Variants in UNK observed in about 807,000 individuals in gnomAD.
UNK encodes unk zinc finger, also known as RING finger protein unkempt homolog.
UNK carries 32 observed loss-of-function variants against 97.6 expected under a neutral mutation model. The ratio of observed to expected loss-of-function variants is 0.33; its 90% CI spans 0.25 to 0.44. The LOEUF is 0.44. Ranked by LOEUF, UNK falls within the 20% of genes least tolerant of loss-of-function variation. The pLI is 1.00. For synonymous variants in UNK, 441 were observed against 461.2 expected (o/e 0.96, Z 0.56); for missense variants, 771 against 1,098.4 (o/e 0.70, Z 4.21).
intron 1 of UNK, among the ~76,000 whole-genome samples, chr17:75,800,639 A>C (rs937303533): frequency 6.6e-6 from 1 of 151,320 alleles, no homozygotes; most frequent in Non-Finnish European, 1.5e-5. Flanking sequence ...CGGGAGGCTG[A>C]GGCAGGAGAA....
intron 1 of UNK, among the ~76,000 whole-genome samples, chr17:75,806,830 C>T (rs541671989): frequency 4.5e-4 from 69 of 152,098 alleles, no homozygotes; most frequent in Non-Finnish European, 8.1e-4. Context: ...GGGTTGAGCA[C>T]CATGCAGTGT....
At position 75,813,252 on chromosome 17, in the gene UNK, G is replaced by A. The variant is rs761506172; in HGVS notation, c.758+39G>A. On this transcript the variant is annotated intron_variant, in intron 5 of 15. Coordinates refer to ENST00000589666, the MANE Select transcript of UNK (RefSeq NM_001080419.3). ...AGGAGGCCAGCCACGGGAGGGAGGA[G>A]TGGCAGGGAAGGGGTCAGGCAGAGG... The A allele has an allele frequency of 4.5e-6, 7 of 1,547,396 alleles. No homozygotes were observed. The East Asian group carries it at 1.7e-4, about 37-fold the overall frequency.
chr17:75,825,776 T>C lies in UNK; in HGVS notation c.*1359T>C, dbSNP rs887988177. The C allele has an allele frequency of 6.6e-6, 1 of 152,154 alleles. No individual in the cohort carries two copies. The allele number at this position is 152,154 out of a possible 1,614,324, so 9.4% of individuals were successfully genotyped here. ...AAAAATCAACAAAGCTCCAAACCTA[T>C]TGGAAATAAAATATGAACTTGCAGT... On this transcript the variant is annotated 3_prime_UTR_variant, in exon 16 of 16. Transcript: ENST00000589666. This position sits in a 1 kb window ranked among gnomAD's most constrained non-coding sequence, Gnocchi z 4.4.
rs1192059972 is a variant in UNK at position 75,784,840 on chromosome 17, A to C, written c.-41A>C. On this transcript the variant is annotated 5_prime_UTR_variant, in exon 1 of 16. Coordinates refer to ENST00000589666, the MANE Select transcript of UNK (RefSeq NM_001080419.3). ...CCTCGGCGCGGACCGCGCAGACTGA[A>C]TAATAAAAGGGGAGCGGCGAAGAGG... 6.3e-7 allele frequency: 1 copy of C among 1,595,594 alleles called. No individual in the cohort carries two copies. The highest frequency in any genetic ancestry group is 8.6e-7 in the Non-Finnish European group (1 of 1,165,650).
intron 1 of UNK, among the ~76,000 whole-genome samples, chr17:75,798,575 G>C (rs1409036973): frequency 1.3e-5 from 2 of 151,124 alleles, no homozygotes; most frequent in African/African-American, 4.9e-5. Flanking sequence ...CGAACTCCTG[G>C]CCTCAGGTGA....
At chr17:75,822,985 C>T (rs1042716186) in intron 14 of UNK, among the ~76,000 whole-genome samples, 1 of 152,226 alleles carries the variant, frequency 6.6e-6, no homozygotes, top group Non-Finnish European at 1.5e-5. Context: ...TGTCCAGCTG[C>T]AGCCGGCTAC....
At position 75,819,203 on chromosome 17, in the gene UNK, C is replaced by T. The variant is rs746040724; in HGVS notation, c.1546+387C>T. 6 of 231,034 alleles carry T rather than the reference C, an allele frequency of 2.6e-5. No homozygotes were observed. Among genetic ancestry groups the T allele is most frequent in the South Asian group, 8.7e-5 (1 of 11,488 alleles). 14.3% of individuals were successfully genotyped at this position (231,034 alleles called of 1,614,324 possible). ...CTTTCAGTACTCATTTCTAGGTGCC[C>T]GCTTTGTGCCAGGTCCTGTGGCAGG... On this transcript the variant is annotated intron_variant, in intron 11 of 15. Transcript: ENST00000589666. The surrounding 1 kb of genome is among the most constrained non-coding windows in gnomAD (Gnocchi z 5.4).
intron 2 of UNK, among the ~76,000 whole-genome samples, chr17:75,810,465 TGACA>T (rs2061958565): frequency 6.7e-6 from 1 of 149,538 alleles, no homozygotes; most frequent in Non-Finnish European, 1.5e-5. Context: ...GTCACACTAA[TGACA>T]GACATAGGGA....
At position 75,784,849 on chromosome 17, in the gene UNK, G is replaced by T; in HGVS notation, c.-32G>T. 1 of 1,599,902 alleles carries T rather than the reference G, an allele frequency of 6.3e-7. No homozygotes were observed. ...GGACCGCGCAGACTGAATAATAAAA[G>T]GGGAGCGGCGAAGAGGCAGGAAGAC... On this transcript the variant is annotated 5_prime_UTR_variant, in exon 1 of 16. The change creates a new upstream start codon in the 5' untranslated region. Transcript: ENST00000589666.
intron 15 of UNK, among the ~76,000 whole-genome samples, chr17:75,823,957 G>A (rs992967735): frequency 2.6e-5 from 4 of 152,200 alleles, no homozygotes; most frequent in East Asian, 3.9e-4. Flanking sequence ...CCAAGCCCCC[G>A]GGTGTGGCCC....
At chr17:75,810,091 C>A in intron 2 of UNK, 122 bp downstream of exon 2, 2 of 1,237,838 alleles carry the variant, frequency 1.6e-6, no homozygotes, top group Non-Finnish European at 2.2e-6. Flanking sequence ...CAGCCCATGG[C>A]CCGAGCCTGG....
At chr17:75,785,053 C>T in intron 1 of UNK, 69 bp downstream of exon 1, 2 of 1,183,516 alleles carry the variant, frequency 1.7e-6, no homozygotes, top group Admixed American at 6.9e-5. Flanking sequence ...GAGTCACGCG[C>T]GCAGGGAGAG....
intron 1 of UNK, among the ~76,000 whole-genome samples, chr17:75,807,369 G>A (rs2061928130): frequency 6.6e-6 from 1 of 152,212 alleles, no homozygotes; most frequent in African/African-American, 2.4e-5. Flanking sequence ...CTGCACTCCA[G>A]CCTGGGCAAC....
In UNK at chr17:75,819,615, G is replaced by A; in HGVS notation, c.1547-69G>A. 7.0e-7 allele frequency: 1 copy of A among 1,422,800 alleles called. No individual in the cohort carries two copies. Among genetic ancestry groups the A allele is most frequent in the Non-Finnish European group, 9.9e-7 (1 of 1,007,570 alleles). 88.1% of individuals were successfully genotyped at this position (1,422,800 alleles called of 1,614,324 possible). On this transcript the variant is annotated intron_variant, in intron 11 of 15. Transcript: ENST00000589666. This position sits in a 1 kb window ranked among gnomAD's most constrained non-coding sequence, Gnocchi z 5.4. The stretch of plus-strand genomic sequence containing the variant: ...GCATGGGCGTGAAGATGCAGCGTGG[G>A]CAGTAGACGAGGTGGTCAGGGTCAG...
chr17:75,814,424 G>A (rs1029959841), intron 6 of UNK, among the ~76,000 whole-genome samples: 7 of 139,416 alleles, frequency 5.0e-5, no homozygotes, highest in South Asian at 2.2e-4. Flanking sequence ...CCCGGGAGGC[G>A]GAAGTTGCAG....
intron 1 of UNK, among the ~76,000 whole-genome samples, chr17:75,805,655 TGGGCATGG>T (rs1348693079): frequency 6.6e-6 from 1 of 151,230 alleles, no homozygotes; most frequent in Non-Finnish European, 1.5e-5. Context: ...AAAATTTAGC[TGGGCATGG>T]GGGCACGCGC....
At chr17:75,801,006 C>G (rs1371046738) in intron 1 of UNK, among the ~76,000 whole-genome samples, 1 of 151,734 alleles carries the variant, frequency 6.6e-6, no homozygotes, top group Non-Finnish European at 1.5e-5. Flanking sequence ...CGGGTTCATA[C>G]CATTCTCCTG....
At chr17:75,807,127 C>T (rs1032852976) in intron 1 of UNK, among the ~76,000 whole-genome samples, 5 of 152,222 alleles carry the variant, frequency 3.3e-5, no homozygotes, top group Admixed American at 6.5e-5. Context: ...GCAGGCTGAA[C>T]ATATCCTAGG....
chr17:75,794,128 T>C (rs945652024), intron 1 of UNK: 3 of 979,354 alleles, frequency 3.1e-6, no homozygotes, highest in African/African-American at 1.8e-5. Flanking sequence ...TGTTTTACTA[T>C]TGAAGTAAGA....
Sources: allele counts gnomAD v4.1 joint callset (sites outside exome capture counted in the v4.1 genomes callset), GRCh38; gene constraint gnomAD v4.1.1; non-coding constraint Gnocchi (gnomAD v3.1); transcripts MANE v1.5; gene names NCBI Gene and HGNC (gene_info 2026-07-23, HGNC 2026-07-21).